Variants in ARHGEF3 observed in about 807,000 individuals in gnomAD.
ARHGEF3 encodes Rho guanine nucleotide exchange factor 3.
A neutral mutation model predicts 63.2 loss-of-function variants in ARHGEF3; 28 were observed. That is an observed-to-expected ratio of 0.44 (90% confidence interval 0.33 to 0.61). The LOEUF is 0.61. ARHGEF3 is among the 20% of genes least tolerant of loss of function. ARHGEF3 has a pLI of 0.03. For missense variants in ARHGEF3, 533 were observed against 659.3 expected (o/e 0.81, Z 2.10); for synonymous variants, 266 against 254.2 (o/e 1.05, Z -0.44).
intron 3 of ARHGEF3, among the ~76,000 whole-genome samples, chr3:56,887,484 T>C (rs900769450): frequency 1.3e-5 from 2 of 152,166 alleles, no homozygotes; most frequent in African/African-American, 4.8e-5. Flanking sequence ...ATCATAGATG[T>C]TGGGTGACAA....
chr3:56,938,705 C>T (rs1167444314), intron 3 of ARHGEF3: 2 of 152,200 alleles, frequency 1.3e-5, no homozygotes, highest in African/African-American at 4.8e-5. Context: ...CAGAAATTAG[C>T]CAGCTGTTCA....
At chr3:56,957,481 AAATT>A (rs1454579146) in intron 3 of ARHGEF3, among the ~76,000 whole-genome samples, 1 of 152,244 alleles carries the variant, frequency 6.6e-6, no homozygotes, top group Non-Finnish European at 1.5e-5. Context: ...TTCATCTGAC[AAATT>A]AATTAAGCAT....
chr3:56,832,980 A>T (rs1165737341), intron 4 of ARHGEF3, among the ~76,000 whole-genome samples: 1 of 152,200 alleles, frequency 6.6e-6, no homozygotes, highest in African/African-American at 2.4e-5. Flanking sequence ...ATGGTTGAAG[A>T]ATATTCCCTT....
At chr3:56,967,926 T>A (rs1158074117) in intron 2 of ARHGEF3, among the ~76,000 whole-genome samples, 4 of 70,522 alleles carry the variant, frequency 5.7e-5, no homozygotes, top group African/African-American at 1.7e-4. Context: ...ATATATTATA[T>A]ATAATATAAA....
chr3:56,872,755 G>A (rs11714905), intron 4 of ARHGEF3, among the ~76,000 whole-genome samples: 16,640 of 152,072 alleles, frequency 0.11, 1,256 homozygotes, highest in East Asian at 0.3. Context: ...TAGTTCACCC[G>A]CCTCAGCCTC....
intron 1 of ARHGEF3, among the ~76,000 whole-genome samples, chr3:57,045,286 C>A (rs543746736): frequency 5.3e-5 from 8 of 152,214 alleles, no homozygotes; most frequent in African/African-American, 1.9e-4. Context: ...AAACAAAAAA[C>A]AAACTACTAC....
chr3:56,912,400 T>C (rs924242620), intron 3 of ARHGEF3, among the ~76,000 whole-genome samples: 6 of 152,220 alleles, frequency 3.9e-5, no homozygotes, highest in South Asian at 2.1e-4. Flanking sequence ...ATAGGAGATC[T>C]GGGAAGGACC....
intron 3 of ARHGEF3, among the ~76,000 whole-genome samples, chr3:56,946,323 C>G (rs1359315120): frequency 1.3e-5 from 2 of 152,054 alleles, no homozygotes; most frequent in Non-Finnish European, 2.9e-5. Flanking sequence ...GAAGATCAAA[C>G]TACTCCAAAC....
chr3:57,044,630 A>G (rs1704367338), intron 1 of ARHGEF3, among the ~76,000 whole-genome samples: 1 of 152,204 alleles, frequency 6.6e-6, no homozygotes, highest in Admixed American at 6.5e-5. Context: ...TCCAGTTTTC[A>G]CTGCTTATGT....
At chr3:56,844,199 A>C (rs1332791284) in intron 4 of ARHGEF3, among the ~76,000 whole-genome samples, 4 of 152,230 alleles carry the variant, frequency 2.6e-5, no homozygotes, top group Non-Finnish European at 4.4e-5. Flanking sequence ...TTATGCTCAA[A>C]AATTATTATT....
At chr3:56,759,494 C>T (rs181368188) in intron 2 of ARHGEF3, among the ~76,000 whole-genome samples, 20 of 152,022 alleles carry the variant, frequency 1.3e-4, no homozygotes, top group African/African-American at 4.6e-4. Context: ...TTCTACTTGA[C>T]AGTATCTTGA....
chr3:56,896,506 A>G (rs1435354401), intron 3 of ARHGEF3, among the ~76,000 whole-genome samples: 2 of 152,212 alleles, frequency 1.3e-5, no homozygotes, highest in East Asian at 1.9e-4. Context: ...AACTATTCCA[A>G]TAAAATGTTT....
chr3:56,916,255 C>A, intron 3 of ARHGEF3: 2 of 1,520,312 alleles, frequency 1.3e-6, no homozygotes, highest in South Asian at 1.2e-5. Flanking sequence ...CCCCACCCGG[C>A]TCGGGTGGGA....
chr3:56,830,642 G>A (rs532333737), intron 4 of ARHGEF3, among the ~76,000 whole-genome samples: 66 of 152,256 alleles, frequency 4.3e-4, no homozygotes, highest in African/African-American at 1.3e-3. Context: ...ACCACAACTG[G>A]ATGAGGCCCT....
intron 2 of ARHGEF3, among the ~76,000 whole-genome samples, chr3:56,976,165 C>A (rs891128672): frequency 3.3e-5 from 5 of 152,096 alleles, no homozygotes; most frequent in Non-Finnish European, 7.4e-5. Context: ...TCTCAGCCTC[C>A]CGAGTACCTG....
chr3:56,868,821 T>C (rs1217042099), intron 4 of ARHGEF3, among the ~76,000 whole-genome samples: 1 of 152,200 alleles, frequency 6.6e-6, no homozygotes, highest in Non-Finnish European at 1.5e-5. Context: ...CTTGGTTAAC[T>C]TGTTTCAGAA....
At chr3:56,990,525 G>A (rs1254874421) in intron 2 of ARHGEF3, among the ~76,000 whole-genome samples, 2 of 152,222 alleles carry the variant, frequency 1.3e-5, no homozygotes, top group Non-Finnish European at 2.9e-5. Flanking sequence ...GGCAGAGGTT[G>A]CAGTGAGCTG....
intron 1 of ARHGEF3, among the ~76,000 whole-genome samples, chr3:56,774,399 TA>T (rs1280574857): frequency 3.9e-5 from 6 of 152,140 alleles, no homozygotes; most frequent in Non-Finnish European, 7.4e-5. Context: ...TTAATATTTA[TA>T]AATTATAACC....
intron 2 of ARHGEF3, among the ~76,000 whole-genome samples, chr3:57,026,865 C>T (rs1475683171): frequency 6.6e-6 from 1 of 152,198 alleles, no homozygotes; most frequent in Non-Finnish European, 1.5e-5. Context: ...TCACTATATT[C>T]GTCTCCTCAT....
Sources: gnomAD v4.1 joint callset for allele counts (sites outside exome capture counted in the v4.1 genomes callset) on GRCh38, gnomAD v4.1.1 for gene constraint, MANE v1.5 for transcripts, NCBI Gene and HGNC (gene_info 2026-07-23, HGNC 2026-07-21) for gene names.